The following STIM1 variants were observed in gnomAD, a reference collection of about 807,000 sequenced individuals.
STIM1 encodes stromal interaction molecule 1.
A neutral mutation model predicts 74.7 loss-of-function variants in STIM1; 25 were observed. That is an observed-to-expected ratio of 0.33 (90% CI 0.24 to 0.47). The LOEUF (loss-of-function observed/expected upper bound fraction) is 0.47, where lower values mean the gene tolerates loss of function less well. STIM1 is among the 20% of genes least tolerant of loss of function. The pLI is 1.00. For synonymous variants in STIM1, 328 were observed against 348.8 expected (o/e 0.94, Z 0.66); for missense variants, 728 against 920.8 (o/e 0.79, Z 2.71).
At chr11:4,085,016 G>A (rs1055562224) in intron 11 of STIM1, among the ~76,000 whole-genome samples, 2 of 151,970 alleles carry the variant, frequency 1.3e-5, no homozygotes, top group African/African-American at 4.8e-5. Context: ...AGCTGTGCAG[G>A]TAACCTGGTA....
intron 2 of STIM1, among the ~76,000 whole-genome samples, chr11:3,972,436 A>T (rs1018130088): frequency 6.6e-6 from 1 of 152,068 alleles, no homozygotes; most frequent in African/African-American, 2.4e-5. Context: ...TTATAGTTTT[A>T]TCTCTTCTTT....
rs938982131 is a variant in STIM1, at chr11:4,093,045, TGG to T, written c.*1249_*1250del. 2.0e-5 allele frequency: 3 copies of T among 151,970 alleles called. No homozygotes were observed. Among genetic ancestry groups the T allele is most frequent in the Non-Finnish European group, 4.4e-5 (3 of 68,002 alleles). 9.4% of individuals were successfully genotyped at this position (151,970 alleles called of 1,614,324 possible). A position where few individuals can be genotyped will look rare whatever the true frequency, so the allele number is the denominator to read the frequency against. ...CCCACTCCCTGCCATACCTTTATCCTGGGATCCTATTTTGGGCCTGGGGTGGG... is the reference window on the plus strand; with the variant it reads ...CCCACTCCCTGCCATACCTTTATCCTGATCCTATTTTGGGCCTGGGGTGGG... On this transcript the variant is annotated 3_prime_UTR_variant, in exon 13 of 13. Transcript: ENST00000526596.
At chr11:4,061,188 A>G (rs1288793855) in intron 5 of STIM1, among the ~76,000 whole-genome samples, 1 of 152,188 alleles carries the variant, frequency 6.6e-6, no homozygotes, top group African/African-American at 2.4e-5. Context: ...GCAGTCAAGG[A>G]TTTTATCTGA....
chr11:3,957,177 A>G (rs1420335971), intron 1 of STIM1, among the ~76,000 whole-genome samples: 5 of 152,240 alleles, frequency 3.3e-5, no homozygotes, highest in Non-Finnish European at 7.3e-5. Context: ...GTGCAAAGTC[A>G]GAATTGCTGT....
chr11:3,885,667 C>T (rs1316021518), intron 1 of STIM1, among the ~76,000 whole-genome samples: 2 of 151,882 alleles, frequency 1.3e-5, no homozygotes, highest in Non-Finnish European at 2.9e-5. Flanking sequence ...CAGGGACTCG[C>T]TCTGTTGTAT....
At chr11:3,906,870 C>T (rs2092473592) in intron 1 of STIM1, among the ~76,000 whole-genome samples, 1 of 152,106 alleles carries the variant, frequency 6.6e-6, no homozygotes, top group Non-Finnish European at 1.5e-5. Context: ...ACTATTAGTA[C>T]CATCGTATAG....
intron 1 of STIM1, among the ~76,000 whole-genome samples, chr11:3,941,673 T>TATATATAGAGAGAGAGAGAGAGAGAG (rs141623520): frequency 2.2e-5 from 2 of 90,730 alleles, no homozygotes; most frequent in African/African-American, 7.4e-5. Context: ...TATATATATA[T>TATATATAGAGAGAGAGAGAGAGAGAG]AGAGAGAGAG....
intron 3 of STIM1, among the ~76,000 whole-genome samples, chr11:4,039,265 C>T (rs2094128644): frequency 6.6e-6 from 1 of 151,992 alleles, no homozygotes; most frequent in Admixed American, 6.6e-5. Flanking sequence ...GTACTTCAGC[C>T]TGGGTGACAG....
chr11:3,922,047 C>G (rs7128762), intron 1 of STIM1: 37,028 of 152,014 alleles, frequency 0.24, 5,687 homozygotes, highest in South Asian at 0.46. Flanking sequence ...CCCTCAGAAA[C>G]TGTATGAAAT....
chr11:3,932,693 A>G (rs1404451260), intron 1 of STIM1, among the ~76,000 whole-genome samples: 2 of 151,442 alleles, frequency 1.3e-5, no homozygotes, highest in Non-Finnish European at 2.9e-5. Context: ...AAAAGAAAAG[A>G]AAAGAGACCC....
chr11:3,863,776 C>T (rs1397711906), intron 1 of STIM1, among the ~76,000 whole-genome samples: 2 of 152,092 alleles, frequency 1.3e-5, no homozygotes, highest in African/African-American at 2.4e-5. Flanking sequence ...CTTGGTGTCA[C>T]AGTGCTTGCG....
At chr11:3,875,520 G>C (rs1237790006) in intron 1 of STIM1, among the ~76,000 whole-genome samples, 5 of 152,116 alleles carry the variant, frequency 3.3e-5, no homozygotes, top group African/African-American at 4.8e-5. Flanking sequence ...GAGCTCAGGA[G>C]CTTGAGACCA....
rs528818911 is a variant in STIM1 at position 3,998,542 on chromosome 11, C to T, written c.271-25331C>T. Among the ~76,000 whole-genome samples, 37 of 152,196 alleles carry T rather than the reference C, an allele frequency of 2.4e-4. No individual in the cohort carries two copies. In the South Asian group the frequency reaches 7.1e-3, roughly 29 times the overall value. On this transcript the variant is annotated intron_variant, in intron 2 of 12. Coordinates refer to ENST00000526596, the MANE Select transcript of STIM1 (RefSeq NM_001382567.1). ...CACACTCTGCTCTGTGCCGGGCCCTCGGCTTGGAGATGGATTTATGGAGCT... is the reference window on the plus strand; with the variant it reads ...CACACTCTGCTCTGTGCCGGGCCCTTGGCTTGGAGATGGATTTATGGAGCT...
intron 1 of STIM1, among the ~76,000 whole-genome samples, chr11:3,925,895 G>A (rs964702480): frequency 1.4e-4 from 21 of 152,052 alleles, no homozygotes; most frequent in African/African-American, 5.1e-4. Flanking sequence ...TAAAGATTTA[G>A]TTTATTGTTA....
chr11:4,009,210 G>A (rs1474590097), intron 2 of STIM1, among the ~76,000 whole-genome samples: 1 of 151,920 alleles, frequency 6.6e-6, no homozygotes, highest in Non-Finnish European at 1.5e-5. Flanking sequence ...CAGGAGAATG[G>A]CGTGAACTCA....
intron 2 of STIM1, chr11:3,973,272 C>T: frequency 6.2e-6 from 3 of 482,572 alleles, no homozygotes; most frequent in South Asian, 4.7e-5. Flanking sequence ...CCCACCAAAA[C>T]CACCTCCACG....
At chr11:3,932,172 C>T (rs1289151381) in intron 1 of STIM1, among the ~76,000 whole-genome samples, 1 of 152,156 alleles carries the variant, frequency 6.6e-6, no homozygotes, top group Non-Finnish European at 1.5e-5. Context: ...CACCACTGGA[C>T]TCTCTTCCGT....
chr11:3,861,474 T>C (rs1454615073), intron 1 of STIM1, among the ~76,000 whole-genome samples: 1 of 152,184 alleles, frequency 6.6e-6, no homozygotes, highest in Non-Finnish European at 1.5e-5. Context: ...GACTTCGTGA[T>C]CTGCCTGCCT....
chr11:3,955,800 C>T (rs1222740238), intron 1 of STIM1, among the ~76,000 whole-genome samples: 1 of 151,954 alleles, frequency 6.6e-6, no homozygotes, highest in Non-Finnish European at 1.5e-5. Context: ...GCTATGCAGC[C>T]AGGGTTGAGA....
Sources: allele counts gnomAD v4.1 joint callset (sites outside exome capture counted in the v4.1 genomes callset), GRCh38; gene constraint gnomAD v4.1.1; transcripts MANE v1.5; gene names NCBI Gene and HGNC (gene_info 2026-07-23, HGNC 2026-07-21).